The following PTPRG variants were observed in gnomAD, a reference collection of about 807,000 sequenced individuals.
PTPRG encodes the protein protein tyrosine phosphatase receptor type G, also known as receptor-type tyrosine-protein phosphatase gamma.
PTPRG carries 102 observed loss-of-function variants against 165.3 expected under a neutral mutation model. That is an observed-to-expected ratio of 0.62 (90% CI 0.53 to 0.73). The LOEUF is 0.73. Among genes scored for constraint, PTPRG ranks in the 30% least tolerant of loss-of-function variants. The pLI is 0.00. For synonymous variants in PTPRG, 675 were observed against 669.5 expected (o/e 1.01, Z -0.13); for missense variants, 1,866 against 1,861.4 (o/e 1.00, Z -0.05).
At chr3:62,198,609 C>T (rs771966798) in intron 10 of PTPRG, among the ~76,000 whole-genome samples, 11 of 152,100 alleles carry the variant, frequency 7.2e-5, no homozygotes, top group Admixed American at 2.6e-4. Flanking sequence ...GGAAAGGAAC[C>T]AATTATATTC....
intron 2 of PTPRG, among the ~76,000 whole-genome samples, chr3:61,860,729 C>A (rs2037242717): frequency 6.6e-6 from 1 of 152,134 alleles, no homozygotes; most frequent in African/African-American, 2.4e-5. Context: ...CAGGTGTGAG[C>A]CACTGCGCCT....
chr3:61,571,315 T>G (rs1406718897), intron 1 of PTPRG, among the ~76,000 whole-genome samples: 4 of 152,164 alleles, frequency 2.6e-5, no homozygotes, highest in Admixed American at 1.3e-4. Flanking sequence ...TGCTCAGGAT[T>G]TTTTTTAAAT....
chr3:62,248,877 A>C (rs1223526479), intron 15 of PTPRG, among the ~76,000 whole-genome samples: 1 of 152,208 alleles, frequency 6.6e-6, no homozygotes, highest in Admixed American at 6.5e-5. Flanking sequence ...GTTAAAATAC[A>C]TCTTAATAAT....
intron 6 of PTPRG, among the ~76,000 whole-genome samples, chr3:62,150,892 A>C (rs961624643): frequency 1.3e-5 from 2 of 152,178 alleles, no homozygotes; most frequent in African/African-American, 4.8e-5. Flanking sequence ...TGTTCAGTGC[A>C]CTTCCACAAT....
intron 4 of PTPRG, among the ~76,000 whole-genome samples, chr3:62,027,862 T>G (rs1397795859): frequency 6.6e-6 from 1 of 152,200 alleles, no homozygotes; most frequent in Non-Finnish European, 1.5e-5. Context: ...GAGGCACTTT[T>G]TTTGTGTTTC....
chr3:62,158,673 G>C (rs1390106942), intron 7 of PTPRG, among the ~76,000 whole-genome samples: 1 of 152,190 alleles, frequency 6.6e-6, no homozygotes, highest in African/African-American at 2.4e-5. Flanking sequence ...CTAGAAGAAG[G>C]TAGGGGCAGT....
intron 2 of PTPRG, among the ~76,000 whole-genome samples, chr3:61,834,085 T>C (rs1478458106): frequency 1.3e-5 from 2 of 152,222 alleles, no homozygotes; most frequent in Non-Finnish European, 2.9e-5. Flanking sequence ...GGATTGCTTA[T>C]ATATTACTCT....
At chr3:61,649,805 A>C (rs1366030063) in intron 1 of PTPRG, among the ~76,000 whole-genome samples, 1 of 152,228 alleles carries the variant, frequency 6.6e-6, no homozygotes, top group Non-Finnish European at 1.5e-5. Flanking sequence ...AGTTTTAGTT[A>C]CTTGCTCAAG....
chr3:61,762,189 G>C (rs1427572130), intron 2 of PTPRG, among the ~76,000 whole-genome samples: 1 of 152,134 alleles, frequency 6.6e-6, no homozygotes, highest in African/African-American at 2.4e-5. Context: ...GACACTTTTT[G>C]ATGGTCCTAT....
intron 1 of PTPRG, among the ~76,000 whole-genome samples, chr3:61,621,051 ATGTG>A (rs1173192341): frequency 0.021 from 2,512 of 117,980 alleles, 99 homozygotes; most frequent in African/African-American, 0.068. Flanking sequence ...ATATATATAT[ATGTG>A]TGTGTGTGTG....
At position 62,271,489 on chromosome 3, in the gene PTPRG, T is replaced by C. The variant is rs913861646; in HGVS notation, c.3116T>C (p.Leu1039Pro). The C allele has an allele frequency of 2.6e-5, 42 of 1,613,906 alleles. No individual in the cohort carries two copies. Among genetic ancestry groups the C allele is most frequent in the Non-Finnish European group, 3.6e-5 (42 of 1,179,886 alleles). ...GTTCCCGAGTATGCCCTTCCAGTACTGACTTTCGTGAGGAGATCCTCAGCA... is the reference window on the plus strand; with the variant it reads ...GTTCCCGAGTATGCCCTTCCAGTACCGACTTTCGTGAGGAGATCCTCAGCA... The part of the protein sequence containing the change: ...MGVPEYALPV[L>P]TFVRRSSAAR... Residue 1039 changes from leucine (L) to proline (P), a missense_variant, in exon 21 of 30, where the codon CTG becomes CCG. Transcript: ENST00000474889. The surrounding 1 kb of genome is among the most constrained non-coding windows in gnomAD (Gnocchi z 4.1).
intron 5 of PTPRG, among the ~76,000 whole-genome samples, chr3:62,107,753 C>G (rs184980443): frequency 6.6e-6 from 1 of 152,322 alleles, no homozygotes; most frequent in African/African-American, 2.4e-5. Flanking sequence ...TTTGTTGATT[C>G]ATCCATTCAT....
At chr3:62,051,993 A>G (rs1056115076) in intron 4 of PTPRG, among the ~76,000 whole-genome samples, 1 of 152,228 alleles carries the variant, frequency 6.6e-6, no homozygotes, top group Admixed American at 6.5e-5. Context: ...AAATGGCTTA[A>G]TCAACATGGT....
intron 2 of PTPRG, among the ~76,000 whole-genome samples, chr3:61,771,928 T>C (rs959263927): frequency 1.3e-5 from 2 of 151,752 alleles, no homozygotes; most frequent in African/African-American, 4.8e-5. Flanking sequence ...GGCATGGTGG[T>C]AGGCGCATGT....
At chr3:61,590,654 G>C (rs1382250249) in intron 1 of PTPRG, among the ~76,000 whole-genome samples, 2 of 152,126 alleles carry the variant, frequency 1.3e-5, no homozygotes, top group Admixed American at 1.3e-4. Flanking sequence ...GTTTACAAAA[G>C]TATATTTATA....
chr3:61,985,713 T>G (rs1012995548), intron 2 of PTPRG, among the ~76,000 whole-genome samples: 1 of 152,196 alleles, frequency 6.6e-6, no homozygotes, highest in Non-Finnish European at 1.5e-5. Context: ...AGACTAAATT[T>G]CTTCTTTGAT....
intron 2 of PTPRG, among the ~76,000 whole-genome samples, chr3:61,872,536 G>A (rs2037612907): frequency 6.6e-6 from 1 of 152,086 alleles, no homozygotes; most frequent in African/African-American, 2.4e-5. Flanking sequence ...ATGGCTTGCC[G>A]ATGCAATAAG....
intron 2 of PTPRG, among the ~76,000 whole-genome samples, chr3:61,940,189 C>T (rs1049448419): frequency 6.6e-6 from 1 of 151,986 alleles, no homozygotes; most frequent in Non-Finnish European, 1.5e-5. Flanking sequence ...TCAGGTGATC[C>T]ACCTGCCTCG....
chr3:61,633,095 A>T lies in PTPRG; in HGVS notation c.85+70723A>T, dbSNP rs183296509. Reference sequence around the variant, plus strand: ...TTAGGGAGACTTCCCTGATCTTTGTATCTAAAGCACATCCCATCCTCCCAT... The same window carrying T: ...TTAGGGAGACTTCCCTGATCTTTGTTTCTAAAGCACATCCCATCCTCCCAT... On this transcript the variant is annotated intron_variant, in intron 1 of 29. Transcript: ENST00000474889. Among the ~76,000 whole-genome samples the T allele has an allele frequency of 2.0e-5, 3 of 152,278 alleles. No individual in the cohort carries two copies. In the South Asian group the frequency reaches 6.2e-4, roughly 32 times the overall value.
Sources: gnomAD v4.1 joint callset for allele counts (sites outside exome capture counted in the v4.1 genomes callset) on GRCh38, gnomAD v4.1.1 for gene constraint, Gnocchi (gnomAD v3.1) non-coding constraint, MANE v1.5 for transcripts, NCBI Gene and HGNC (gene_info 2026-07-23, HGNC 2026-07-21) for gene names.